PTPRR: variants seen among roughly 807,000 people sequenced by gnomAD.
PTPRR encodes protein tyrosine phosphatase receptor type R.
A neutral mutation model predicts 77.2 loss-of-function variants in PTPRR; 38 were observed. The ratio of observed to expected loss-of-function variants is 0.49; its 90% CI spans 0.38 to 0.65. The LOEUF (loss-of-function observed/expected upper bound fraction) is 0.65. Ranked by LOEUF, PTPRR falls within the 30% of genes least tolerant of loss-of-function variation. The pLI, the probability that PTPRR is intolerant of heterozygous loss-of-function variation, is 0.00. For missense variants in PTPRR, 744 were observed against 799.2 expected (o/e 0.93, Z 0.83); for synonymous variants, 299 against 283.1 (o/e 1.06, Z -0.57).
chr12:70,661,122 T>C (rs767461046), intron 11 of PTPRR, 25 bp from the exon 12 acceptor site: 2 of 1,591,630 alleles, frequency 1.3e-6, no homozygotes, highest in Non-Finnish European at 8.6e-7. Flanking sequence ...AGCCACCAAA[T>C]GCCTCATTCA....
intron 6 of PTPRR, among the ~76,000 whole-genome samples, chr12:70,733,427 C>CAAACAAAA (rs1889734328): frequency 3.7e-5 from 1 of 27,058 alleles, no homozygotes; most frequent in African/African-American, 1.2e-4. Context: ...CAAACAACAA[C>CAAACAAAA]AAAAAAAAAA....
chr12:70,728,038 C>G (rs1328724013), intron 6 of PTPRR, among the ~76,000 whole-genome samples: 1 of 147,302 alleles, frequency 6.8e-6, no homozygotes, highest in Non-Finnish European at 1.5e-5. Flanking sequence ...TCCCTAAGGC[C>G]CCATAGAGCA....
intron 1 of PTPRR, among the ~76,000 whole-genome samples, chr12:70,898,387 T>C (rs1893471854): frequency 6.6e-6 from 1 of 150,732 alleles, no homozygotes; most frequent in Non-Finnish European, 1.5e-5. Context: ...TTTATTTTAG[T>C]TGTTCTCTTA....
intron 2 of PTPRR, among the ~76,000 whole-genome samples, chr12:70,878,079 C>T (rs1214489178): frequency 1.3e-5 from 2 of 152,142 alleles, no homozygotes; most frequent in Non-Finnish European, 2.9e-5. Context: ...CCCTTCCTTA[C>T]ACCTTATACA....
At chr12:70,837,912 G>A (rs1892332343) in intron 2 of PTPRR, among the ~76,000 whole-genome samples, 1 of 152,000 alleles carries the variant, frequency 6.6e-6, no homozygotes, top group Non-Finnish European at 1.5e-5. Context: ...CAACTCATTA[G>A]CATACAAAAG....
intron 2 of PTPRR, among the ~76,000 whole-genome samples, chr12:70,876,475 A>T (rs1351362239): frequency 6.6e-6 from 1 of 152,178 alleles, no homozygotes. Context: ...TATTTAGAAG[A>T]AATAATTTGA....
intron 13 of PTPRR, among the ~76,000 whole-genome samples, chr12:70,644,975 C>G (rs1036688637): frequency 4.6e-5 from 7 of 152,170 alleles, no homozygotes; most frequent in African/African-American, 1.7e-4. Context: ...TGGCTTTTCT[C>G]ACTTGTAAAA....
intron 10 of PTPRR, among the ~76,000 whole-genome samples, chr12:70,663,388 C>G (rs1025816342): frequency 1.3e-5 from 2 of 152,086 alleles, no homozygotes; most frequent in Non-Finnish European, 2.9e-5. Flanking sequence ...ATACTTAAAC[C>G]CTTTGGTTAT....
In PTPRR at chr12:70,868,742, G is replaced by A. The variant is rs914711005; in HGVS notation, c.357+23937C>T. 3.3e-5 allele frequency among the ~76,000 whole-genome samples: 5 copies of A among 152,096 alleles called. No individual in the cohort carries two copies. In the East Asian group the frequency reaches 9.7e-4, roughly 29 times the overall value. ...GCTATAAAGACACATGCACATGTAT[G>A]TTGATTGCAGCACTATTCACAATAG... On this transcript the variant is annotated intron_variant, in intron 2 of 13. Transcript: ENST00000283228.
At chr12:70,914,270 G>A (rs914622561) in intron 1 of PTPRR, among the ~76,000 whole-genome samples, 1 of 152,190 alleles carries the variant, frequency 6.6e-6, no homozygotes, top group Non-Finnish European at 1.5e-5. Flanking sequence ...CATCGCAAAA[G>A]ACTGCCTTCC....
At chr12:70,751,538 C>A (rs1565681845) in intron 5 of PTPRR, among the ~76,000 whole-genome samples, 1 of 152,180 alleles carries the variant, frequency 6.6e-6, no homozygotes, top group Non-Finnish European at 1.5e-5. Context: ...TAAGCTTATT[C>A]TAACTGCACC....
intron 13 of PTPRR, 76 bp downstream of exon 13, chr12:70,656,628 A>T: frequency 1.0e-6 from 1 of 996,552 alleles, no homozygotes; most frequent in South Asian, 1.3e-5. Flanking sequence ...TGAGATGTTT[A>T]TGCATGAAGT....
chr12:70,710,416 G>A (rs7298405), intron 6 of PTPRR, among the ~76,000 whole-genome samples: 79,000 of 151,960 alleles, frequency 0.52, 21,149 homozygotes, highest in East Asian at 0.6. Flanking sequence ...TGGCTTAAAC[G>A]CTTAAATGTA....
intron 2 of PTPRR, among the ~76,000 whole-genome samples, chr12:70,835,929 G>A (rs1892294677): frequency 6.6e-6 from 1 of 152,056 alleles, no homozygotes; most frequent in Non-Finnish European, 1.5e-5. Context: ...TTTTGCAGAG[G>A]TGGCCATTCT....
chr12:70,833,077 C>T (rs753669354), intron 2 of PTPRR, among the ~76,000 whole-genome samples: 5 of 152,128 alleles, frequency 3.3e-5, no homozygotes, highest in Non-Finnish European at 7.4e-5. Context: ...CCCCCATGAC[C>T]CAAACACCTC....
chr12:70,725,690 T>A (rs1275277492), intron 6 of PTPRR, among the ~76,000 whole-genome samples: 1 of 151,896 alleles, frequency 6.6e-6, no homozygotes, highest in Non-Finnish European at 1.5e-5. Flanking sequence ...ACAGAGAAAA[T>A]GGGGGAAAAG....
chr12:70,803,276 C>G (rs1033195987), intron 2 of PTPRR, among the ~76,000 whole-genome samples: 4 of 152,082 alleles, frequency 2.6e-5, no homozygotes, highest in African/African-American at 7.2e-5. Flanking sequence ...AAACCTTCTC[C>G]TGGCCAGTAG....
At chr12:70,881,663 CA>C in intron 2 of PTPRR, among the ~76,000 whole-genome samples, 1 of 152,142 alleles carries the variant, frequency 6.6e-6, no homozygotes, top group East Asian at 1.9e-4. Flanking sequence ...AGGAAAGAAA[CA>C]ACTTGAGATA....
chr12:70,838,794 G>A (rs970713305), intron 2 of PTPRR, among the ~76,000 whole-genome samples: 19 of 152,064 alleles, frequency 1.2e-4, no homozygotes, highest in African/African-American at 4.1e-4. Flanking sequence ...AGAAGCCAGG[G>A]GAAGATACAC....
Sources: gnomAD v4.1 joint callset for allele counts (sites outside exome capture counted in the v4.1 genomes callset) on GRCh38, gnomAD v4.1.1 for gene constraint, MANE v1.5 for transcripts, NCBI Gene and HGNC (gene_info 2026-07-23, HGNC 2026-07-21) for gene names.